Variants in EYA4 observed in about 807,000 individuals in gnomAD.
EYA4 encodes the protein EYA transcriptional coactivator and phosphatase 4.
A neutral mutation model predicts 87.9 loss-of-function variants in EYA4; 31 were observed. The ratio of observed to expected loss-of-function variants is 0.35; its 90% CI spans 0.27 to 0.48. The LOEUF (loss-of-function observed/expected upper bound fraction) is 0.48. Among genes scored for constraint, EYA4 ranks in the 20% least tolerant of loss-of-function variants. The pLI is 0.99. For synonymous variants in EYA4, 263 were observed against 270.6 expected, an observed-to-expected ratio of 0.97 and a Z score of 0.28; for missense variants, 678 against 761.4, an observed-to-expected ratio of 0.89 and a Z score of 1.29.
Position 133,274,546 on chromosome 6 carries a change from C to A in EYA4, c.-65-170C>A, listed in dbSNP as rs3734277. On this transcript the variant is annotated intron_variant, in intron 1 of 19. Coordinates refer to ENST00000355286, the MANE Select transcript of EYA4 (RefSeq NM_004100.5). The stretch of plus-strand genomic sequence containing the variant: ...CCCACTTTTACCATGACACTATTTT[C>A]AAGATCATTAATTGCATCAGATATG... 0.21 allele frequency among the ~76,000 whole-genome samples: 32,109 copies of A among 152,094 alleles called. 3,839 individuals are homozygous for A. Among genetic ancestry groups the A allele is most frequent in the East Asian group, 0.45 (2,313 of 5,178 alleles).
At chr6:133,274,598 T>G in intron 1 of EYA4, 118 bp from the exon 2 acceptor site, 1 of 611,666 alleles carries the variant, frequency 1.6e-6, no homozygotes, top group Non-Finnish European at 2.9e-6. Flanking sequence ...ATTTTCTTCT[T>G]GAGAGAATGC....
intron 11 of EYA4, among the ~76,000 whole-genome samples, chr6:133,480,089 C>A (rs1158654161): frequency 6.6e-6 from 1 of 151,884 alleles, no homozygotes; most frequent in Admixed American, 6.6e-5. Flanking sequence ...GAGTTAAATC[C>A]CCCAGATTGT....
At chr6:133,261,785 G>A (rs908941408) in intron 1 of EYA4, among the ~76,000 whole-genome samples, 51 of 152,170 alleles carry the variant, frequency 3.4e-4, no homozygotes, top group Admixed American at 3.3e-3. Context: ...TATATGAAGA[G>A]CAAAATATAA....
chr6:133,446,019 G>C (rs943237802), intron 3 of EYA4, among the ~76,000 whole-genome samples: 17 of 152,184 alleles, frequency 1.1e-4, no homozygotes, highest in African/African-American at 3.4e-4. Flanking sequence ...AAAACCAGCT[G>C]TCAGGACTTG....
chr6:133,272,138 C>T (rs115327712), intron 1 of EYA4, among the ~76,000 whole-genome samples: 6,629 of 152,266 alleles, frequency 0.044, 514 homozygotes, highest in African/African-American at 0.15. Flanking sequence ...TTCCCTTCAG[C>T]GCTGTCCTTC....
chr6:133,510,579 C>T, intron 14 of EYA4: 1 of 256,606 alleles, frequency 3.9e-6, no homozygotes, highest in South Asian at 4.3e-5. Context: ...AATGCCTTTA[C>T]TGGATGTTTT....
intron 6 of EYA4, among the ~76,000 whole-genome samples, chr6:133,459,645 A>G (rs894508150): frequency 1.3e-5 from 2 of 152,138 alleles, no homozygotes; most frequent in Non-Finnish European, 2.9e-5. Flanking sequence ...GAATAACACT[A>G]CTATTATGAA....
intron 5 of EYA4, among the ~76,000 whole-genome samples, chr6:133,454,367 A>G (rs1793727635): frequency 6.6e-6 from 1 of 152,190 alleles, no homozygotes; most frequent in Non-Finnish European, 1.5e-5. Flanking sequence ...CTTGATACCC[A>G]TCTAGATTAT....
Position 133,274,753 on chromosome 6 carries a change from G to A in EYA4, c.-28G>A. ...ACTTGAAGGAAGCTGCTTCTACTTGGGAGTGGCAGGAGAAGTGAGAAAACC... is the reference window on the plus strand; with the variant it reads ...ACTTGAAGGAAGCTGCTTCTACTTGAGAGTGGCAGGAGAAGTGAGAAAACC... On this transcript the variant is annotated 5_prime_UTR_variant, in exon 2 of 20. Transcript: ENST00000355286. The A allele has an allele frequency of 6.2e-7, 1 of 1,606,348 alleles. No individual in the cohort carries two copies. Among genetic ancestry groups the A allele is most frequent in the East Asian group, 2.2e-5 (1 of 44,778 alleles).
At chr6:133,397,309 CT>C (rs1787887991) in intron 3 of EYA4, among the ~76,000 whole-genome samples, 1 of 152,166 alleles carries the variant, frequency 6.6e-6, no homozygotes, top group African/African-American at 2.4e-5. Flanking sequence ...AATTCAAAGC[CT>C]TTTCCTGACA....
chr6:133,523,150 G>A lies in EYA4; in HGVS notation c.1711G>A (p.Glu571Lys). The A allele has an allele frequency of 6.2e-7, 1 of 1,612,454 alleles. No individual in the cohort carries two copies. The highest frequency in any genetic ancestry group is 8.5e-7 in the Non-Finnish European group (1 of 1,178,794). Residue 571 changes from glutamate (E) to lysine (K), a missense_variant, in exon 18 of 20, where the codon GAG (glutamate) becomes AAG (lysine). Glu to Lys is a moderately conservative substitution (Grantham distance 56). Coordinates refer to ENST00000355286, the MANE Select transcript of EYA4 (RefSeq NM_004100.5). ...TAGTTTAGGAGGTGCTTTCCCCATT[G>A]AGAATATTTACAGTGCAACTAAAAT... ...LYSLGGAFPI[E>K]NIYSATKIGK...
intron 2 of EYA4, among the ~76,000 whole-genome samples, chr6:133,344,524 T>C (rs1475242880): frequency 6.6e-6 from 1 of 152,206 alleles, no homozygotes; most frequent in African/African-American, 2.4e-5. Flanking sequence ...ATATATTTGA[T>C]ATGGTCCATT....
At chr6:133,447,492 C>T (rs1792968885) in intron 4 of EYA4, among the ~76,000 whole-genome samples, 1 of 152,166 alleles carries the variant, frequency 6.6e-6, no homozygotes, top group Non-Finnish European at 1.5e-5. Flanking sequence ...AAATTATTCA[C>T]AATTTGAAAT....
rs191469181 is a variant in EYA4, at chr6:133,530,585, C to T, written c.*1780C>T. The T allele has an allele frequency of 2.0e-6, 2 of 985,834 alleles. No homozygotes were observed. The highest frequency in any genetic ancestry group is 2.3e-4 in the East Asian group (2 of 8,816). 61.1% of individuals were successfully genotyped at this position (985,834 alleles called of 1,614,324 possible). On this transcript the variant is annotated 3_prime_UTR_variant, in exon 20 of 20. Transcript: ENST00000355286. Reference sequence around the variant, plus strand: ...GAGGCCTCTGTGGCTTCAATAAAGTCTACATTTTGCTCACAGATCACAACA... The same window carrying T: ...GAGGCCTCTGTGGCTTCAATAAAGTTTACATTTTGCTCACAGATCACAACA...
chr6:133,381,680 C>T (rs1237983959), intron 2 of EYA4, among the ~76,000 whole-genome samples: 1 of 151,916 alleles, frequency 6.6e-6, no homozygotes, highest in Non-Finnish European at 1.5e-5. Flanking sequence ...CTTTTAAGAC[C>T]ATAATAATCA....
intron 1 of EYA4, among the ~76,000 whole-genome samples, chr6:133,253,264 C>G (rs1775068614): frequency 6.6e-6 from 1 of 152,088 alleles, no homozygotes; most frequent in Non-Finnish European, 1.5e-5. Context: ...CTGCTTCATT[C>G]ATGGACAGGA....
chr6:133,404,629 G>A (rs1316982735), intron 3 of EYA4, among the ~76,000 whole-genome samples: 1 of 152,152 alleles, frequency 6.6e-6, no homozygotes, highest in Non-Finnish European at 1.5e-5. Flanking sequence ...GTCATAGAGA[G>A]CAATTCCAGT....
chr6:133,424,156 C>G (rs1030349454), intron 3 of EYA4, among the ~76,000 whole-genome samples: 5 of 152,186 alleles, frequency 3.3e-5, no homozygotes, highest in African/African-American at 1.2e-4. Flanking sequence ...CTCTTTGCCC[C>G]CTTCGGCCAT....
At chr6:133,482,947 T>C in intron 12 of EYA4, 85 bp from the exon 13 acceptor site, 3 of 1,111,462 alleles carry the variant, frequency 2.7e-6, no homozygotes, top group Non-Finnish European at 4.1e-6. Flanking sequence ...AGATGATCTC[T>C]AGGAAGGGAG....
Sources: allele counts gnomAD v4.1 joint callset (sites outside exome capture counted in the v4.1 genomes callset), GRCh38; gene constraint gnomAD v4.1.1; transcripts MANE v1.5; gene names NCBI Gene and HGNC (gene_info 2026-07-23, HGNC 2026-07-21).